The following SPN variants were observed in gnomAD, a reference collection of about 807,000 sequenced individuals.
SPN encodes sialophorin.
SPN carries 6 observed loss-of-function variants against 8.4 expected under a neutral mutation model. The observed-to-expected ratio is 0.72, with a 90% CI of 0.39 to 1.42. SPN has a LOEUF of 1.42. SPN is among the 40% of genes most tolerant of loss of function. The probability of loss-of-function intolerance (pLI) is 0.02; values close to 1 mark genes in which losing one functional copy is unlikely to be tolerated. For synonymous variants in SPN, 201 were observed against 222.6 expected (o/e 0.90, Z 0.86); for missense variants, 517 against 530.6 (o/e 0.97, Z 0.25).
chr16:29,663,890 G>A lies in SPN; in HGVS notation c.162G>A (p.Lys54=). The part of the protein sequence containing the change: ...MYTTSITSDP[K]ADSTGDQTSA... ...CCACTTCAATAACAAGTGACCCTAA[G>A]GCCGACAGCACTGGGGACCAGACCT... Residue 54 remains lysine (K), a synonymous_variant, in exon 2 of 2, where the codon AAG becomes AAA. Transcript: ENST00000652691. The surrounding 1 kb of genome is among the most constrained non-coding windows in gnomAD (Gnocchi z 4.3). 1 of 1,614,112 alleles carries A rather than the reference G, an allele frequency of 6.2e-7. No homozygotes were observed. The highest frequency in any genetic ancestry group is 8.5e-7 in the Non-Finnish European group (1 of 1,180,016).
rs1966791260 is a variant in SPN, at chr16:29,664,971, C to T, written c.*40C>T. The T allele has an allele frequency of 1.5e-6, 2 of 1,349,726 alleles. No homozygotes were observed. The highest frequency in any genetic ancestry group is 1.9e-6 in the Non-Finnish European group (2 of 1,046,066). 83.6% of individuals were successfully genotyped at this position (1,349,726 alleles called of 1,614,324 possible). ...TGAGGCTGGAGGCCGGAATCTCAGC[C>T]AGCCTCCAGCACCTTCCCTCTCACC... On this transcript the variant is annotated 3_prime_UTR_variant, in exon 2 of 2. Coordinates refer to ENST00000652691, the MANE Select transcript of SPN (RefSeq NM_003123.6). This position sits in a 1 kb window ranked among gnomAD's most constrained non-coding sequence, Gnocchi z 6.4.
In SPN at chr16:29,667,284, G is replaced by C; in HGVS notation, c.*2353G>C. On this transcript the variant is annotated 3_prime_UTR_variant, in exon 2 of 2. Transcript: ENST00000652691. ...GTTAAAATAAGAGCCCCCATATCAGGTTTAGAAAATACTGTCACCGAACGA... is the reference window on the plus strand; with the variant it reads ...GTTAAAATAAGAGCCCCCATATCAGCTTTAGAAAATACTGTCACCGAACGA... The C allele has an allele frequency of 3.6e-6, 1 of 279,890 alleles. No individual in the cohort carries two copies. Among genetic ancestry groups the C allele is most frequent in the South Asian group, 3.8e-5 (1 of 26,082 alleles). The allele number at this position is 279,890 out of a possible 1,614,324, so 17.3% of individuals were successfully genotyped here.
rs1966847700 is a variant in SPN, at chr16:29,670,565, G to A, written c.*5634G>A. 1 of 262,350 alleles carries A rather than the reference G, an allele frequency of 3.8e-6. No individual in the cohort carries two copies. Among genetic ancestry groups the A allele is most frequent in the Admixed American group, 5.0e-5 (1 of 20,162 alleles). The allele number at this position is 262,350 out of a possible 1,614,324, so 16.3% of individuals were successfully genotyped here. ...ATTAGTTATGAAAATAATTGTAAAT[G>A]GCTTATTGAACTTATAGTCAGTAAA... On this transcript the variant is annotated 3_prime_UTR_variant, in exon 2 of 2. Transcript: ENST00000652691.
In SPN at chr16:29,665,405, G is replaced by A. The variant is rs1424291014; in HGVS notation, c.*474G>A. 1 of 167,526 alleles carries A rather than the reference G, an allele frequency of 6.0e-6. No individual in the cohort carries two copies. The highest frequency in any genetic ancestry group is 1.9e-4 in the East Asian group (1 of 5,198). The allele number at this position is 167,526 out of a possible 1,614,324, so 10.4% of individuals were successfully genotyped here. ...ATCCTCATGAGGCTTCTCAGCCCTGGATTTCCTGCTGCCATCCTCACCCAG... is the reference window on the plus strand; with the variant it reads ...ATCCTCATGAGGCTTCTCAGCCCTGAATTTCCTGCTGCCATCCTCACCCAG... On this transcript the variant is annotated 3_prime_UTR_variant, in exon 2 of 2. Coordinates refer to ENST00000652691, the MANE Select transcript of SPN (RefSeq NM_003123.6).
In SPN at chr16:29,664,558, G is replaced by C; in HGVS notation, c.830G>C (p.Trp277Ser). 1 of 1,613,354 alleles carries C rather than the reference G, an allele frequency of 6.2e-7. No individual in the cohort carries two copies. The highest frequency in any genetic ancestry group is 8.5e-7 in the Non-Finnish European group (1 of 1,179,780). ...GTCCTCGTGGCTCTGCTCCTGCTGT[G>C]GCGCCGGCGGCAGAAGCGGCGGACT... is the stretch of plus-strand genomic sequence containing the variant. ...VIVLVALLLL[W>S]RRRQKRRTGA... Residue 277 changes from tryptophan to serine, a missense_variant, in exon 2 of 2, where the codon TGG becomes TCG. Transcript: ENST00000652691. This position sits in a 1 kb window ranked among gnomAD's most constrained non-coding sequence, Gnocchi z 6.4.
rs923620865 is a variant in SPN, at chr16:29,670,770, G to C, written c.*5839G>C. 5 of 455,878 alleles carry C rather than the reference G, an allele frequency of 1.1e-5. No individual in the cohort carries two copies. Among genetic ancestry groups the C allele is most frequent in the African/African-American group, 2.0e-5 (1 of 50,064 alleles). 28.2% of individuals were successfully genotyped at this position (455,878 alleles called of 1,614,324 possible). ...ACCCATCGCAAATGTTTTCCATGCT[G>C]ATCTCCAAAGTGGTGAGTTTATGTG... On this transcript the variant is annotated 3_prime_UTR_variant, in exon 2 of 2. Transcript: ENST00000652691.
chr16:29,666,974 G>A lies in SPN; in HGVS notation c.*2043G>A, dbSNP rs745596157. The A allele has an allele frequency of 4.2e-6, 2 of 470,942 alleles. No homozygotes were observed. Among genetic ancestry groups the A allele is most frequent in the South Asian group, 3.1e-5 (2 of 64,564 alleles). 29.2% of individuals were successfully genotyped at this position (470,942 alleles called of 1,614,324 possible). On this transcript the variant is annotated 3_prime_UTR_variant, in exon 2 of 2. Transcript: ENST00000652691. ...GCAAAAAAAGACAGGGGAGGCATGT[G>A]AGTGTGACAGCCCTGCTCTGTGGCC...
chr16:29,664,230 C>T lies in SPN; in HGVS notation c.502C>T (p.Pro168Ser), dbSNP rs1172024008. ...LETSRGTSGP[P>S]LTMATVSLET... is the part of the protein sequence containing the mutation. ...GACCTCCAGAGGCACCTCTGGACCC[C>T]CTCTTACCATGGCAACTGTCTCTCT... Residue 168 changes from proline to serine, a missense_variant, in exon 2 of 2, where the codon CCT becomes TCT. Coordinates refer to ENST00000652691, the MANE Select transcript of SPN (RefSeq NM_003123.6). The surrounding 1 kb of genome is among the most constrained non-coding windows in gnomAD (Gnocchi z 6.4). The T allele has an allele frequency of 6.2e-7, 1 of 1,613,882 alleles. No homozygotes were observed. Among genetic ancestry groups the T allele is most frequent in the East Asian group, 2.2e-5 (1 of 44,830 alleles).
In SPN at chr16:29,665,574, T is replaced by G. The variant is rs1567320968; in HGVS notation, c.*643T>G. 1 of 167,350 alleles carries G rather than the reference T, an allele frequency of 6.0e-6. No individual in the cohort carries two copies. The highest frequency in any genetic ancestry group is 1.5e-5 in the Non-Finnish European group (1 of 68,394). The allele number at this position is 167,350 out of a possible 1,614,324, so 10.4% of individuals were successfully genotyped here. ...TGTTCCTGGAAACGGCTGCTGAGTC[T>G]CCATCGGCCAAACTTATCTGCCCTG... On this transcript the variant is annotated 3_prime_UTR_variant, in exon 2 of 2. Coordinates refer to ENST00000652691, the MANE Select transcript of SPN (RefSeq NM_003123.6).
Position 29,664,010 on chromosome 16 carries a change from C to T in SPN, c.282C>T (p.Thr94=), listed in dbSNP as rs749446773. 1.2e-6 allele frequency: 2 copies of T among 1,614,102 alleles called. No individual in the cohort carries two copies. Among genetic ancestry groups the T allele is most frequent in the Non-Finnish European group, 1.7e-6 (2 of 1,180,018 alleles). ...GTTCCCCTTTACCTGAGCCAACAAC[C>T]TACCAGGAAGTTTCCATCAAGATGT... ...STGSPLPEPT[T]YQEVSIKMSS... Residue 94 remains threonine, a synonymous_variant, in exon 2 of 2, where the codon ACC becomes ACT. Coordinates refer to ENST00000652691, the MANE Select transcript of SPN (RefSeq NM_003123.6). The surrounding 1 kb of genome is among the most constrained non-coding windows in gnomAD (Gnocchi z 6.4).
rs1451613478 is a variant in SPN, at chr16:29,667,069, G to T, written c.*2138G>T. On this transcript the variant is annotated 3_prime_UTR_variant, in exon 2 of 2. Transcript: ENST00000652691. Reference sequence around the variant, plus strand: ...GCAGTGGGAGAGGAGACGGAGGGAGGGAGCGGGAAGGGGCTTGCTTAGTGG... The same window carrying T: ...GCAGTGGGAGAGGAGACGGAGGGAGTGAGCGGGAAGGGGCTTGCTTAGTGG... 6.4e-6 allele frequency: 3 copies of T among 468,414 alleles called. No individual in the cohort carries two copies. The highest frequency in any genetic ancestry group is 4.7e-5 in the Admixed American group (2 of 42,466). 29.0% of individuals were successfully genotyped at this position (468,414 alleles called of 1,614,324 possible).
chr16:29,663,575 A>T lies in SPN; in HGVS notation c.-34-120A>T. 9.5e-7 allele frequency: 1 copy of T among 1,048,744 alleles called. No individual in the cohort carries two copies. The highest frequency in any genetic ancestry group is 1.4e-6 in the Non-Finnish European group (1 of 729,854). 65.0% of individuals were successfully genotyped at this position (1,048,744 alleles called of 1,614,324 possible). ...CTGATAACAGTAAAAGCCAGCATGGAAAAAACCGTTAAACCGCAGGTTGGG... is the reference window on the plus strand; with the variant it reads ...CTGATAACAGTAAAAGCCAGCATGGTAAAAACCGTTAAACCGCAGGTTGGG... On this transcript the variant is annotated intron_variant, in intron 1 of 1. Coordinates refer to ENST00000652691, the MANE Select transcript of SPN (RefSeq NM_003123.6). This position sits in a 1 kb window ranked among gnomAD's most constrained non-coding sequence, Gnocchi z 4.3.
Position 29,668,951 on chromosome 16 carries a change from C to G in SPN, c.*4020C>G, listed in dbSNP as rs1966841429. On this transcript the variant is annotated 3_prime_UTR_variant, in exon 2 of 2. Coordinates refer to ENST00000652691, the MANE Select transcript of SPN (RefSeq NM_003123.6). ...TTGCTTGAGTCTAGGAGTTCAAGACCAGCCTGGGTAACATAGAAAGACCCT... is the reference window on the plus strand; with the variant it reads ...TTGCTTGAGTCTAGGAGTTCAAGACGAGCCTGGGTAACATAGAAAGACCCT... 2 of 166,234 alleles carry G rather than the reference C, an allele frequency of 1.2e-5. No homozygotes were observed. Among genetic ancestry groups the G allele is most frequent in the Non-Finnish European group, 2.9e-5 (2 of 68,072 alleles). The allele number at this position is 166,234 out of a possible 1,614,324, so 10.3% of individuals were successfully genotyped here. A position where few individuals can be genotyped will look rare whatever the true frequency, so the allele number is the denominator to read the frequency against.
In SPN at chr16:29,666,067, C is replaced by G; in HGVS notation, c.*1136C>G. The G allele has an allele frequency of 6.0e-6, 1 of 167,202 alleles. No homozygotes were observed. Among genetic ancestry groups the G allele is most frequent in the South Asian group, 2.1e-4 (1 of 4,820 alleles). 10.4% of individuals were successfully genotyped at this position (167,202 alleles called of 1,614,324 possible). A position where few individuals can be genotyped will look rare whatever the true frequency, so the allele number is the denominator to read the frequency against. On this transcript the variant is annotated 3_prime_UTR_variant, in exon 2 of 2. Transcript: ENST00000652691. ...TGCTTGGGAGGGGTAGTTGTGGGTACAGACGGTGTGGGGGTGGGAAGTGGT... is the reference window on the plus strand; with the variant it reads ...TGCTTGGGAGGGGTAGTTGTGGGTAGAGACGGTGTGGGGGTGGGAAGTGGT...
rs1407314943 is a variant in SPN, at chr16:29,663,412, T to C, written c.-35+96T>C. ...TCTGACAGGTTATGATGGGAAGAGA[T>C]TGGGAGCCATTGGGCTGCACAGGGT... is the stretch of plus-strand genomic sequence containing the variant. On this transcript the variant is annotated intron_variant, in intron 1 of 1. Coordinates refer to ENST00000652691, the MANE Select transcript of SPN (RefSeq NM_003123.6). The surrounding 1 kb of genome is among the most constrained non-coding windows in gnomAD (Gnocchi z 4.3). 5 of 286,130 alleles carry C rather than the reference T, an allele frequency of 1.7e-5. No individual in the cohort carries two copies. The highest frequency in any genetic ancestry group is 1.1e-3 in the Middle Eastern group (1 of 942). 17.7% of individuals were successfully genotyped at this position (286,130 alleles called of 1,614,324 possible).
In SPN at chr16:29,664,112, C is replaced by T. The variant is rs2142279998; in HGVS notation, c.384C>T (p.His128=). 6.2e-7 allele frequency: 1 copy of T among 1,614,112 alleles called. No individual in the cohort carries two copies. Among genetic ancestry groups the T allele is most frequent in the Non-Finnish European group, 8.5e-7 (1 of 1,180,020 alleles). The change falls in exon 2 of 2, where the codon CAC becomes CAT. Residue 128 remains histidine (H), a synonymous_variant. Coordinates refer to ENST00000652691, the MANE Select transcript of SPN (RefSeq NM_003123.6). The surrounding 1 kb of genome is among the most constrained non-coding windows in gnomAD (Gnocchi z 6.4). The part of the protein sequence containing the change: ...VPITANSLGS[H]TVTGGTITTN... ...TAACAGCAAACTCTCTAGGATCCCA[C>T]ACCGTGACAGGTGGAACCATAACAA...
In SPN at chr16:29,666,606, CCTGGTCTCGGGGACTGGT is replaced by C; in HGVS notation, c.*1680_*1697del. ...CAGAGGCAGGGGGAGAGGGGTTTGC[CCTGGTCTCGGGGACTGGT>C]CTGGCTGGCGCTTCCCCACTGCACG... On this transcript the variant is annotated 3_prime_UTR_variant, in exon 2 of 2. Transcript: ENST00000652691. The C allele has an allele frequency of 1.5e-5, 4 of 268,808 alleles. No individual in the cohort carries two copies. Among genetic ancestry groups the C allele is most frequent in the Non-Finnish European group, 3.1e-5 (4 of 127,212 alleles). 16.7% of individuals were successfully genotyped at this position (268,808 alleles called of 1,614,324 possible).
chr16:29,667,029 G>C lies in SPN; in HGVS notation c.*2098G>C, dbSNP rs901907908. 1.3e-5 allele frequency: 6 copies of C among 470,864 alleles called. No individual in the cohort carries two copies. The highest frequency in any genetic ancestry group is 2.2e-5 in the Non-Finnish European group (5 of 226,902). 29.2% of individuals were successfully genotyped at this position (470,864 alleles called of 1,614,324 possible). A position where few individuals can be genotyped will look rare whatever the true frequency, so the allele number is the denominator to read the frequency against. On this transcript the variant is annotated 3_prime_UTR_variant, in exon 2 of 2. Transcript: ENST00000652691. Reference sequence around the variant, plus strand: ...CAGGAGATGGGGGAAAGGGTCAGGTGGGGGATGGGCTCGTGCAGTGGGAGA... The same window carrying C: ...CAGGAGATGGGGGAAAGGGTCAGGTCGGGGATGGGCTCGTGCAGTGGGAGA...
In SPN at chr16:29,669,952, G is replaced by T. The variant is rs1282023996; in HGVS notation, c.*5021G>T. Reference sequence around the variant, plus strand: ...CAGTGGCTATGCGGTGGCACTATAGGAGGCTGAGGCGGGCAGATCACCTGA... The same window carrying T: ...CAGTGGCTATGCGGTGGCACTATAGTAGGCTGAGGCGGGCAGATCACCTGA... On this transcript the variant is annotated 3_prime_UTR_variant, in exon 2 of 2. Transcript: ENST00000652691. 6.0e-6 allele frequency: 1 copy of T among 166,832 alleles called. No individual in the cohort carries two copies. The highest frequency in any genetic ancestry group is 2.4e-5 in the African/African-American group (1 of 41,348). 10.3% of individuals were successfully genotyped at this position (166,832 alleles called of 1,614,324 possible).
Sources: gnomAD v4.1 joint callset for allele counts on GRCh38, gnomAD v4.1.1 for gene constraint, Gnocchi (gnomAD v3.1) non-coding constraint, MANE v1.5 for transcripts, NCBI Gene and HGNC (gene_info 2026-07-23, HGNC 2026-07-21) for gene names.